GSE1: variants seen among roughly 807,000 people sequenced by gnomAD.
GSE1 encodes the protein Gse1 coiled-coil protein.
GSE1 carries 32 observed loss-of-function variants against 112.6 expected under a neutral mutation model. The ratio of observed to expected loss-of-function variants is 0.28; its 90% CI spans 0.21 to 0.38. GSE1 has a LOEUF of 0.38. Ranked by LOEUF, GSE1 falls within the 10% of genes least tolerant of loss-of-function variation. GSE1 has a pLI of 1.00. For missense variants in GSE1, 2,348 were observed against 1,699.2 expected, an observed-to-expected ratio of 1.38 and a Z score of -6.71; for synonymous variants, 1,115 against 735.6, an observed-to-expected ratio of 1.52 and a Z score of -8.35.
At chr16:85,449,055 G>A (rs933922281) in intron 2 of GSE1, among the ~76,000 whole-genome samples, 2 of 152,102 alleles carry the variant, frequency 1.3e-5, no homozygotes, top group South Asian at 2.1e-4. Flanking sequence ...GTGGCCGGGC[G>A]CAGGAGGGAG....
chr16:85,437,344 G>A (rs2049272754), intron 2 of GSE1, among the ~76,000 whole-genome samples: 1 of 152,156 alleles, frequency 6.6e-6, no homozygotes, highest in African/African-American at 2.4e-5. Context: ...TAGAAGAACT[G>A]GCCTCCTGGA....
chr16:85,621,135 T>C (rs2048712663), intron 1 of GSE1, among the ~76,000 whole-genome samples: 1 of 151,836 alleles, frequency 6.6e-6, no homozygotes, highest in Non-Finnish European at 1.5e-5. Context: ...GTCTCTGCCC[T>C]GTTGGGGAAC....
At chr16:85,281,341 C>T (rs1349674758) in intron 1 of GSE1, among the ~76,000 whole-genome samples, 1 of 151,958 alleles carries the variant, frequency 6.6e-6, no homozygotes, top group African/African-American at 2.4e-5. Flanking sequence ...TTCACACCCT[C>T]CAAACCCCGG....
At chr16:85,485,518 C>G (rs574750437) in intron 2 of GSE1, among the ~76,000 whole-genome samples, 1 of 152,360 alleles carries the variant, frequency 6.6e-6, no homozygotes, top group Non-Finnish European at 1.5e-5. Flanking sequence ...TGCCGCCTGC[C>G]GTTCTGGGAG....
chr16:85,402,317 G>C (rs1169869010), intron 2 of GSE1, among the ~76,000 whole-genome samples: 8 of 152,328 alleles, frequency 5.3e-5, no homozygotes, highest in Non-Finnish European at 8.8e-5. Context: ...GAGAGGAGTC[G>C]CCAGTGGGAT....
intron 2 of GSE1, among the ~76,000 whole-genome samples, chr16:85,476,016 T>C (rs1192473258): frequency 6.6e-6 from 1 of 152,160 alleles, no homozygotes; most frequent in East Asian, 1.9e-4. Flanking sequence ...CTGCAACTGC[T>C]GCCTCCCAGG....
chr16:85,566,069 T>C (rs1483225030), intron 1 of GSE1, among the ~76,000 whole-genome samples: 1 of 152,202 alleles, frequency 6.6e-6, no homozygotes, highest in Non-Finnish European at 1.5e-5. Flanking sequence ...GCCTGCCTCC[T>C]GGGGCTGCTG....
chr16:85,418,836 T>G (rs2048761459), intron 2 of GSE1, among the ~76,000 whole-genome samples: 1 of 151,980 alleles, frequency 6.6e-6, no homozygotes, highest in Non-Finnish European at 1.5e-5. Context: ...TTGGGAAACG[T>G]TTTGAGCATA....
At chr16:85,513,355 G>A (rs934021683) in intron 2 of GSE1, among the ~76,000 whole-genome samples, 1 of 152,014 alleles carries the variant, frequency 6.6e-6, no homozygotes, top group African/African-American at 2.4e-5. Context: ...GGTGACCTAA[G>A]GCCACTGCCC....
At chr16:85,379,007 T>C (rs1306264156) in intron 2 of GSE1, among the ~76,000 whole-genome samples, 2 of 152,148 alleles carry the variant, frequency 1.3e-5, no homozygotes, top group African/African-American at 4.8e-5. Flanking sequence ...CCAGACAGCC[T>C]TGGGCAAGCC....
At chr16:85,402,616 TG>T (rs2048142291) in intron 2 of GSE1, among the ~76,000 whole-genome samples, 2 of 152,170 alleles carry the variant, frequency 1.3e-5, no homozygotes, top group Non-Finnish European at 2.9e-5. Flanking sequence ...CAGTTACCTC[TG>T]GCTGCCTAAC....
chr16:85,201,651 CA>C (rs60277500), intron 1 of GSE1, among the ~76,000 whole-genome samples: 121 of 141,946 alleles, frequency 8.5e-4, no homozygotes, highest in East Asian at 7.4e-3. Context: ...GACTCCGTCT[CA>C]AAAAAAAAAA....
intron 1 of GSE1, among the ~76,000 whole-genome samples, chr16:85,575,047 C>T (rs1406085302): frequency 1.3e-5 from 2 of 151,512 alleles, no homozygotes; most frequent in African/African-American, 4.9e-5. Context: ...CGCTCCCCCT[C>T]TCCCCCGCCC....
At chr16:85,276,572 C>T (rs1420979774) in intron 1 of GSE1, among the ~76,000 whole-genome samples, 2 of 152,210 alleles carry the variant, frequency 1.3e-5, no homozygotes, top group African/African-American at 2.4e-5. Context: ...GATGTTTAAT[C>T]CAGAAAGGGC....
At chr16:85,170,386 C>T in exon 1 of GSE1, 1 of 985,494 alleles carries the variant, frequency 1.0e-6, no homozygotes, top group Non-Finnish European at 1.2e-6. Context: ...CCAAGAGGCC[C>T]CTGCAGACGG....
chr16:85,476,657 A>G (rs2050464817), intron 2 of GSE1, among the ~76,000 whole-genome samples: 1 of 143,492 alleles, frequency 7.0e-6, no homozygotes, highest in African/African-American at 2.5e-5. Context: ...TATTTTTGAG[A>G]CAGGGTCACT....
At chr16:85,523,661 C>G (rs147225034) in intron 2 of GSE1, among the ~76,000 whole-genome samples, 1 of 152,230 alleles carries the variant, frequency 6.6e-6, no homozygotes, top group Non-Finnish European at 1.5e-5. Context: ...CCTCCTCGTG[C>G]CTGCCTCCAC....
chr16:85,564,052 T>C (rs537189800), intron 1 of GSE1, among the ~76,000 whole-genome samples: 7 of 152,178 alleles, frequency 4.6e-5, no homozygotes, highest in Admixed American at 2.6e-4. Context: ...GCTGCGTCAG[T>C]CCACTGGGCA....
chr16:85,649,651 G>C (rs1003116289), intron 3 of GSE1, among the ~76,000 whole-genome samples: 68 of 152,122 alleles, frequency 4.5e-4, no homozygotes, highest in Non-Finnish European at 4.1e-4. Context: ...CACCCCTGGC[G>C]CGCAGCCTGG....
Sources: gnomAD v4.1 joint callset for allele counts (sites outside exome capture counted in the v4.1 genomes callset) on GRCh38, gnomAD v4.1.1 for gene constraint, MANE v1.5 for transcripts, NCBI Gene and HGNC (gene_info 2026-07-23, HGNC 2026-07-21) for gene names.